The following MDGA2 variants were observed in gnomAD, a reference collection of about 807,000 sequenced individuals.
MDGA2 encodes the protein MAM domain-containing glycosylphosphatidylinositol anchor protein 2.
A neutral mutation model predicts 117.8 loss-of-function variants in MDGA2; 40 were observed. That is an observed-to-expected ratio of 0.34 (90% confidence interval 0.26 to 0.44). MDGA2 has a LOEUF of 0.44. Ranked by LOEUF, MDGA2 falls within the 20% of genes least tolerant of loss-of-function variation. MDGA2 has a pLI of 1.00. For synonymous variants in MDGA2, 452 were observed against 439.0 expected (o/e 1.03, Z -0.37); for missense variants, 1,123 against 1,250.6 (o/e 0.90, Z 1.54).
intron 6 of MDGA2, among the ~76,000 whole-genome samples, chr14:47,070,231 T>G (rs1463185570): frequency 6.6e-6 from 1 of 152,168 alleles, no homozygotes; most frequent in East Asian, 1.9e-4. Flanking sequence ...CCACCCCTGT[T>G]CCGGTAATCA....
At chr14:47,616,542 G>A (rs1018848986) in intron 1 of MDGA2, among the ~76,000 whole-genome samples, 4 of 152,114 alleles carry the variant, frequency 2.6e-5, no homozygotes, top group Admixed American at 6.5e-5. Flanking sequence ...GTTTCCAAAC[G>A]CTCTTCTATA....
At chr14:47,302,067 T>C (rs1030804907) in intron 1 of MDGA2, among the ~76,000 whole-genome samples, 10 of 152,196 alleles carry the variant, frequency 6.6e-5, no homozygotes, top group African/African-American at 2.4e-4. Context: ...TTTACCATAC[T>C]TATAGACATC....
At chr14:47,012,057 C>T (rs1887912643) in intron 8 of MDGA2, among the ~76,000 whole-genome samples, 1 of 151,708 alleles carries the variant, frequency 6.6e-6, no homozygotes, top group Non-Finnish European at 1.5e-5. Flanking sequence ...TGATGATTTC[C>T]TCAATCTCCA....
At chr14:47,143,831 TAAAA>T (rs1043471284) in intron 4 of MDGA2, among the ~76,000 whole-genome samples, 1 of 151,886 alleles carries the variant, frequency 6.6e-6, no homozygotes, top group African/African-American at 2.4e-5. Context: ...ACTTATAGAT[TAAAA>T]AAAAGTTAGG....
chr14:47,528,244 C>G (rs956766002), intron 1 of MDGA2, among the ~76,000 whole-genome samples: 1 of 152,200 alleles, frequency 6.6e-6, no homozygotes, highest in African/African-American at 2.4e-5. Flanking sequence ...AGTCACACCT[C>G]TGACCCACCA....
chr14:47,455,235 G>A (rs1893324150), intron 1 of MDGA2, among the ~76,000 whole-genome samples: 2 of 152,310 alleles, frequency 1.3e-5, no homozygotes, highest in Admixed American at 6.5e-5. Flanking sequence ...GTCGGGTGCG[G>A]TGGCTCACGC....
At chr14:47,358,027 G>C (rs1253242182) in intron 1 of MDGA2, among the ~76,000 whole-genome samples, 1 of 152,136 alleles carries the variant, frequency 6.6e-6, no homozygotes, top group Non-Finnish European at 1.5e-5. Flanking sequence ...TGCAACTGTT[G>C]CACCTTGAGG....
chr14:47,486,364 C>T (rs921945305), intron 1 of MDGA2, among the ~76,000 whole-genome samples: 8 of 152,178 alleles, frequency 5.3e-5, no homozygotes, highest in African/African-American at 1.9e-4. Context: ...ATGCCTGTAC[C>T]TCCATCGTAT....
At chr14:47,432,166 A>G (rs1892812420) in intron 1 of MDGA2, among the ~76,000 whole-genome samples, 1 of 152,072 alleles carries the variant, frequency 6.6e-6, no homozygotes, top group Non-Finnish European at 1.5e-5. Flanking sequence ...TAGAATAACT[A>G]AGATTCACAT....
Position 47,459,230 on chromosome 14 carries a change from CAAG to C in MDGA2, c.281-157683_281-157681del, listed in dbSNP as rs1352643412. On this transcript the variant is annotated intron_variant, in intron 1 of 16. Transcript: ENST00000399232. ...GAAAGGAAAACGACTCTTACTTTCTCAAGAAGGATTACCTCCGAAGGCTGGCAT... is the reference window on the plus strand; with the variant it reads ...GAAAGGAAAACGACTCTTACTTTCTCAAGGATTACCTCCGAAGGCTGGCAT... Among the ~76,000 whole-genome samples, 8 of 151,976 alleles carry C rather than the reference CAAG, an allele frequency of 5.3e-5. No homozygotes were observed. The East Asian group carries it at 1.4e-3, about 26-fold the overall frequency.
chr14:46,865,901 C>G (rs1458061659), intron 14 of MDGA2, among the ~76,000 whole-genome samples: 2 of 150,624 alleles, frequency 1.3e-5, no homozygotes, highest in East Asian at 1.9e-4. Context: ...AGGATACAAA[C>G]AAATGGAAGA....
intron 2 of MDGA2, among the ~76,000 whole-genome samples, chr14:47,245,320 C>T (rs545280044): frequency 6.6e-6 from 1 of 151,934 alleles, no homozygotes; most frequent in South Asian, 2.1e-4. Flanking sequence ...TTTTCTTTAT[C>T]TTACTTTATT....
intron 1 of MDGA2, among the ~76,000 whole-genome samples, chr14:47,586,648 C>T (rs1896330308): frequency 6.6e-6 from 1 of 151,830 alleles, no homozygotes; most frequent in Non-Finnish European, 1.5e-5. Context: ...ATTCATTTGG[C>T]AGTGGTTGAG....
intron 1 of MDGA2, among the ~76,000 whole-genome samples, chr14:47,640,251 C>G (rs1328200409): frequency 6.6e-6 from 1 of 152,112 alleles, no homozygotes; most frequent in Non-Finnish European, 1.5e-5. Flanking sequence ...ATTTCTGCTC[C>G]CTGATGGTGT....
chr14:47,291,891 T>C (rs909858720), intron 2 of MDGA2, among the ~76,000 whole-genome samples: 3 of 152,136 alleles, frequency 2.0e-5, no homozygotes, highest in Admixed American at 6.5e-5. Context: ...TTACAGAGAG[T>C]GAGCGTTAGC....
chr14:46,961,544 A>G (rs1190313742), intron 8 of MDGA2, among the ~76,000 whole-genome samples: 1 of 152,110 alleles, frequency 6.6e-6, no homozygotes, highest in Non-Finnish European at 1.5e-5. Context: ...GTTATTTTGT[A>G]TACCTGCACA....
At position 47,540,540 on chromosome 14, in the gene MDGA2, GTATA is replaced by G. The variant is rs1555330658; in HGVS notation, c.280+133973_280+133976del. Among the ~76,000 whole-genome samples the G allele has an allele frequency of 8.8e-5, 7 of 79,218 alleles. No individual in the cohort carries two copies. In the East Asian group the frequency reaches 3.4e-3, roughly 39 times the overall value. 52.0% of individuals were successfully genotyped at this position (79,218 alleles called of 152,430 possible). Reference sequence around the variant, plus strand: ...TGTATATGTGTGTGTGTGTGTGTGTGTATATATATATATGTATATATATACACAC... The same window carrying G: ...TGTATATGTGTGTGTGTGTGTGTGTGTATATATATGTATATATATACACAC... On this transcript the variant is annotated intron_variant, in intron 1 of 16. Coordinates refer to ENST00000399232, the MANE Select transcript of MDGA2 (RefSeq NM_001113498.3).
chr14:47,325,571 G>A (rs1176213997), intron 1 of MDGA2, among the ~76,000 whole-genome samples: 1 of 152,056 alleles, frequency 6.6e-6, no homozygotes. Flanking sequence ...AATATGACAC[G>A]AGGACATGAG....
intron 1 of MDGA2, among the ~76,000 whole-genome samples, chr14:47,363,392 G>A (rs1891166828): frequency 6.6e-6 from 1 of 151,976 alleles, no homozygotes; most frequent in Admixed American, 6.6e-5. Flanking sequence ...TGAGTAGCTG[G>A]GATTACAGGC....
Sources: allele counts gnomAD v4.1 joint callset (sites outside exome capture counted in the v4.1 genomes callset), GRCh38; gene constraint gnomAD v4.1.1; transcripts MANE v1.5; gene names NCBI Gene and HGNC (gene_info 2026-07-23, HGNC 2026-07-21).